PTPRD: variants seen among roughly 807,000 people sequenced by gnomAD.
PTPRD encodes protein tyrosine phosphatase receptor type D, also known as receptor-type tyrosine-protein phosphatase delta.
In PTPRD, 34 loss-of-function variants were observed where a neutral mutation model predicts 214.5. That is an observed-to-expected ratio of 0.16 (90% CI 0.12 to 0.21). The LOEUF is 0.21. PTPRD is among the 10% of genes least tolerant of loss of function. The pLI is 1.00. For missense variants in PTPRD, 2,545 were observed against 2,398.7 expected, an observed-to-expected ratio of 1.06 and a Z score of -1.27; for synonymous variants, 1,128 against 845.7, an observed-to-expected ratio of 1.33 and a Z score of -5.79.
intron 3 of PTPRD, among the ~76,000 whole-genome samples, chr9:10,066,502 G>T (rs1304911073): frequency 6.6e-6 from 1 of 151,936 alleles, no homozygotes; most frequent in African/African-American, 2.4e-5. Context: ...CAACATGTAT[G>T]ACACTTAGTA....
intron 27 of PTPRD, among the ~76,000 whole-genome samples, chr9:8,491,386 A>G (rs931319668): frequency 1.3e-5 from 2 of 152,230 alleles, no homozygotes; most frequent in Non-Finnish European, 2.9e-5. Context: ...TTCCTCGGCT[A>G]TAAATCCACT....
At chr9:9,239,757 C>G (rs1260161358) in intron 9 of PTPRD, among the ~76,000 whole-genome samples, 1 of 152,170 alleles carries the variant, frequency 6.6e-6, no homozygotes, top group South Asian at 2.1e-4. Context: ...TAGTCCTGTC[C>G]TCCCTGGCCC....
At chr9:9,999,499 A>C (rs895734932) in intron 4 of PTPRD, among the ~76,000 whole-genome samples, 1 of 152,206 alleles carries the variant, frequency 6.6e-6, no homozygotes, top group African/African-American at 2.4e-5. Flanking sequence ...GAATTTAATT[A>C]TACATGGGAT....
chr9:8,462,597 G>T (rs577130664), intron 32 of PTPRD, among the ~76,000 whole-genome samples: 1 of 151,892 alleles, frequency 6.6e-6, no homozygotes, highest in South Asian at 2.1e-4. Context: ...CTCCCTAAAG[G>T]CTCTATTCTT....
intron 11 of PTPRD, among the ~76,000 whole-genome samples, chr9:8,795,780 C>T (rs1046965927): frequency 1.3e-5 from 2 of 152,102 alleles, no homozygotes; most frequent in Admixed American, 1.3e-4. Context: ...TCAAAGTTAT[C>T]TAAAGCAATC....
At chr9:9,970,581 C>A (rs1391424083) in intron 4 of PTPRD, among the ~76,000 whole-genome samples, 1 of 152,062 alleles carries the variant, frequency 6.6e-6, no homozygotes, top group East Asian at 1.9e-4. Context: ...CCTCCCCCCA[C>A]ACAGGGCAGA....
At chr9:8,770,208 G>C (rs1397052813) in intron 11 of PTPRD, among the ~76,000 whole-genome samples, 1 of 152,036 alleles carries the variant, frequency 6.6e-6, no homozygotes, top group Admixed American at 6.6e-5. Flanking sequence ...CTTGAACCGG[G>C]AGAAGTGGAG....
intron 10 of PTPRD, among the ~76,000 whole-genome samples, chr9:9,146,869 T>G (rs1461399196): frequency 6.6e-6 from 1 of 152,186 alleles, no homozygotes; most frequent in Non-Finnish European, 1.5e-5. Flanking sequence ...TAGTGCTTAC[T>G]AACTCCAGGT....
chr9:8,611,994 T>TTGGGGAGGGGAGGGGAGGGGAGGGG (rs2095469896), intron 14 of PTPRD, among the ~76,000 whole-genome samples: 1 of 56,454 alleles, frequency 1.8e-5, no homozygotes, highest in Non-Finnish European at 3.4e-5. Flanking sequence ...GAGGGGAGGG[T>TTGGGGAGGGGAGGGGAGGGGAGGGG]TTGGGAGGGG....
intron 10 of PTPRD, among the ~76,000 whole-genome samples, chr9:9,162,886 C>T (rs890412237): frequency 2.6e-5 from 4 of 152,030 alleles, no homozygotes; most frequent in East Asian, 1.9e-4. Flanking sequence ...TTACATGTTG[C>T]GAAATGTAGA....
chr9:9,471,076 G>C (rs1313133708), intron 8 of PTPRD, among the ~76,000 whole-genome samples: 1 of 152,146 alleles, frequency 6.6e-6, no homozygotes, highest in African/African-American at 2.4e-5. Context: ...TGATAAATCT[G>C]TAAAATGTAA....
At chr9:10,273,270 C>T (rs1405999358) in intron 3 of PTPRD, among the ~76,000 whole-genome samples, 3 of 152,076 alleles carry the variant, frequency 2.0e-5, no homozygotes, top group Non-Finnish European at 2.9e-5. Flanking sequence ...GTTTATAGAT[C>T]TCTGATTTCA....
At chr9:8,389,619 T>G (rs1589292214) in intron 36 of PTPRD, among the ~76,000 whole-genome samples, 3 of 152,294 alleles carry the variant, frequency 2.0e-5, no homozygotes, top group East Asian at 3.9e-4. Flanking sequence ...CAGGTCTTTA[T>G]AATACGACAA....
chr9:9,695,064 TG>T (rs2097346172), intron 7 of PTPRD, among the ~76,000 whole-genome samples: 1 of 152,264 alleles, frequency 6.6e-6, no homozygotes, highest in Admixed American at 6.5e-5. Context: ...GCTGAGAGTA[TG>T]CTGGGTCTCC....
At chr9:10,245,726 G>A (rs1011007593) in intron 3 of PTPRD, among the ~76,000 whole-genome samples, 2 of 152,138 alleles carry the variant, frequency 1.3e-5, no homozygotes, top group African/African-American at 4.8e-5. Flanking sequence ...TAATCTATGT[G>A]TATATGTGTG....
intron 2 of PTPRD, among the ~76,000 whole-genome samples, chr9:10,360,016 A>C (rs1056616359): frequency 6.6e-6 from 1 of 152,214 alleles, no homozygotes; most frequent in Non-Finnish European, 1.5e-5. Context: ...ATTTTTCTCA[A>C]TGTTCCTTTT....
At chr9:9,743,570 C>T (rs2098426010) in intron 6 of PTPRD, among the ~76,000 whole-genome samples, 1 of 152,014 alleles carries the variant, frequency 6.6e-6, no homozygotes, top group Non-Finnish European at 1.5e-5. Context: ...TACCATAAAT[C>T]ATGACCTAGT....
chr9:10,343,241 T>C (rs923397282), intron 2 of PTPRD, among the ~76,000 whole-genome samples: 22 of 152,010 alleles, frequency 1.4e-4, no homozygotes, highest in Admixed American at 2.0e-4. Context: ...GGTTTTCTGT[T>C]CCTGTGTTAG....
At chr9:8,731,874 A>C (rs572817419) in intron 12 of PTPRD, among the ~76,000 whole-genome samples, 15 of 152,254 alleles carry the variant, frequency 9.9e-5, no homozygotes, top group African/African-American at 3.4e-4. Flanking sequence ...AAGCTAATCA[A>C]AATTGATTTG....
Sources: gnomAD v4.1 joint callset for allele counts (sites outside exome capture counted in the v4.1 genomes callset) on GRCh38, gnomAD v4.1.1 for gene constraint, MANE v1.5 for transcripts, NCBI Gene and HGNC (gene_info 2026-07-23, HGNC 2026-07-21) for gene names.